The following HCN1 variants were observed in gnomAD, a reference collection of about 807,000 sequenced individuals.
The protein encoded by HCN1 is potassium/sodium hyperpolarization-activated cyclic nucleotide-gated channel 1.
A neutral mutation model predicts 78.9 loss-of-function variants in HCN1; 13 were observed. The observed-to-expected ratio is 0.16, with a 90% CI of 0.11 to 0.26. The LOEUF (loss-of-function observed/expected upper bound fraction) is 0.26, where lower values mean the gene tolerates loss of function less well. Ranked by LOEUF, HCN1 falls within the 10% of genes least tolerant of loss-of-function variation. The pLI, the probability that HCN1 is intolerant of heterozygous loss-of-function variation, is 1.00. For missense variants in HCN1, 810 were observed against 1,154.3 expected, an observed-to-expected ratio of 0.70 and a Z score of 4.32; for synonymous variants, 552 against 455.5, an observed-to-expected ratio of 1.21 and a Z score of -2.70.
chr5:45,346,977 T>C (rs1010603879), intron 5 of HCN1, among the ~76,000 whole-genome samples: 2 of 152,200 alleles, frequency 1.3e-5, no homozygotes, highest in Non-Finnish European at 2.9e-5. Context: ...CTCTGCAGAC[T>C]TAAATGTCCC....
At chr5:45,420,880 A>G (rs1319205540) in intron 3 of HCN1, among the ~76,000 whole-genome samples, 1 of 152,162 alleles carries the variant, frequency 6.6e-6, no homozygotes, top group Non-Finnish European at 1.5e-5. Context: ...TAATTCCCAA[A>G]GTGACAGCTA....
intron 2 of HCN1, among the ~76,000 whole-genome samples, chr5:45,480,879 T>C (rs1038082862): frequency 1.3e-5 from 2 of 152,206 alleles, no homozygotes; most frequent in Non-Finnish European, 2.9e-5. Flanking sequence ...AGTGTGTAAA[T>C]AGTTCTTGTA....
rs1287026128 is a variant in HCN1 at position 45,257,313 on chromosome 5, G to C, written c.*4608C>G. 6.6e-6 allele frequency: 1 copy of C among 152,122 alleles called. No individual in the cohort carries two copies. 9.4% of individuals were successfully genotyped at this position (152,122 alleles called of 1,614,324 possible). A position where few individuals can be genotyped will look rare whatever the true frequency, so the allele number is the denominator to read the frequency against. On this transcript the variant is annotated 3_prime_UTR_variant, in exon 8 of 8. Transcript: ENST00000303230. ...CTTCACCCTGTGAGACACTCCAGCT[G>C]CATTGAACTGCCAGTGTTCCCAATC... is the stretch of plus-strand genomic sequence containing the variant.
intron 2 of HCN1, among the ~76,000 whole-genome samples, chr5:45,476,239 G>A (rs904031888): frequency 1.3e-5 from 2 of 152,082 alleles, no homozygotes; most frequent in African/African-American, 4.8e-5. Context: ...ACTGGTAAGA[G>A]AGCCCTCACC....
At chr5:45,653,448 C>T (rs1395548552) in intron 1 of HCN1, among the ~76,000 whole-genome samples, 4 of 152,120 alleles carry the variant, frequency 2.6e-5, no homozygotes, top group Non-Finnish European at 5.9e-5. Flanking sequence ...TCCAAAAATA[C>T]TGTTTTAGCC....
Position 45,640,569 on chromosome 5 carries a change from G to A in HCN1, c.849+4616C>T, listed in dbSNP as rs1402955602. The stretch of plus-strand genomic sequence containing the variant: ...GAATACCTTCTGGAAATGAGTTGAA[G>A]TCTGATTCTTTTTTTTTTTTTTTTG... On this transcript the variant is annotated intron_variant, in intron 2 of 7. Coordinates refer to ENST00000303230, the MANE Select transcript of HCN1 (RefSeq NM_021072.4). Among the ~76,000 whole-genome samples the A allele has an allele frequency of 2.0e-5, 3 of 151,364 alleles. No homozygotes were observed. The East Asian group carries it at 5.8e-4, about 29-fold the overall frequency.
intron 5 of HCN1, among the ~76,000 whole-genome samples, chr5:45,324,961 A>C (rs1022137886): frequency 6.6e-6 from 1 of 151,800 alleles, no homozygotes; most frequent in African/African-American, 2.4e-5. Flanking sequence ...TGCCCAAGGA[A>C]ATGACAGCTC....
At chr5:45,319,193 A>T (rs1746069902) in intron 5 of HCN1, among the ~76,000 whole-genome samples, 1 of 151,940 alleles carries the variant, frequency 6.6e-6, no homozygotes, top group Non-Finnish European at 1.5e-5. Context: ...TTATGCACTG[A>T]TTTGGCTTGA....
intron 5 of HCN1, among the ~76,000 whole-genome samples, chr5:45,329,209 G>A (rs937357637): frequency 5.3e-5 from 8 of 151,378 alleles, no homozygotes; most frequent in Non-Finnish European, 8.9e-5. Context: ...CTATACCTAA[G>A]CCTTTTTCAT....
intron 5 of HCN1, among the ~76,000 whole-genome samples, chr5:45,343,605 G>C (rs1326463191): frequency 6.6e-6 from 1 of 152,114 alleles, no homozygotes; most frequent in African/African-American, 2.4e-5. Context: ...AGAATGTACA[G>C]AGAGACTTTA....
chr5:45,610,291 T>G (rs187411381), intron 2 of HCN1, among the ~76,000 whole-genome samples: 11 of 152,128 alleles, frequency 7.2e-5, no homozygotes, highest in African/African-American at 2.4e-4. Flanking sequence ...TACCTCCCTA[T>G]AGAACTATCT....
intron 1 of HCN1, 21 bp from the exon 2 acceptor site, chr5:45,645,629 A>C: frequency 6.5e-7 from 1 of 1,530,760 alleles, no homozygotes; most frequent in Non-Finnish European, 8.9e-7. Flanking sequence ...TAAAAAAATC[A>C]GATTTTAAGA....
intron 2 of HCN1, among the ~76,000 whole-genome samples, chr5:45,591,211 T>C (rs1319497849): frequency 6.6e-6 from 1 of 152,212 alleles, no homozygotes; most frequent in Non-Finnish European, 1.5e-5. Flanking sequence ...TTGGCAGTTA[T>C]GAATATAGCT....
At chr5:45,691,737 C>A (rs892515733) in intron 1 of HCN1, among the ~76,000 whole-genome samples, 2 of 152,098 alleles carry the variant, frequency 1.3e-5, no homozygotes, top group African/African-American at 4.8e-5. Flanking sequence ...TTGTGAGAAG[C>A]TCCTGGAAGC....
chr5:45,410,398 T>C (rs1036286136), intron 3 of HCN1, among the ~76,000 whole-genome samples: 2 of 152,174 alleles, frequency 1.3e-5, no homozygotes, highest in African/African-American at 4.8e-5. Context: ...TAGAGTTATC[T>C]ATTTCAGGCA....
At chr5:45,466,334 T>C (rs1362104537) in intron 2 of HCN1, among the ~76,000 whole-genome samples, 1 of 152,196 alleles carries the variant, frequency 6.6e-6, no homozygotes, top group African/African-American at 2.4e-5. Flanking sequence ...CAAAAATAAT[T>C]GAAGACTCTT....
At chr5:45,483,559 A>T (rs554127835) in intron 2 of HCN1, among the ~76,000 whole-genome samples, 1 of 152,254 alleles carries the variant, frequency 6.6e-6, no homozygotes, top group African/African-American at 2.4e-5. Context: ...ATGTTCTCCC[A>T]TTCTGAAGGT....
chr5:45,480,176 C>T (rs372858293), intron 2 of HCN1: 3 of 152,546 alleles, frequency 2.0e-5, no homozygotes, highest in Admixed American at 6.6e-5. Flanking sequence ...GTCCACATCA[C>T]CAAATTGCAT....
intron 1 of HCN1, among the ~76,000 whole-genome samples, chr5:45,654,566 T>C (rs1324960439): frequency 6.6e-6 from 1 of 152,172 alleles, no homozygotes; most frequent in Non-Finnish European, 1.5e-5. Context: ...CCATTCACTC[T>C]AGTATACAAT....
Sources: allele counts gnomAD v4.1 joint callset (sites outside exome capture counted in the v4.1 genomes callset), GRCh38; gene constraint gnomAD v4.1.1; transcripts MANE v1.5; gene names NCBI Gene and HGNC (gene_info 2026-07-23, HGNC 2026-07-21).